CYP39A1: variants seen among roughly 807,000 people sequenced by gnomAD.
CYP39A1 encodes cytochrome P450 family 39 subfamily A member 1.
A neutral mutation model predicts 58.1 loss-of-function variants in CYP39A1; 49 were observed. The observed-to-expected ratio is 0.84, with a 90% CI of 0.67 to 1.07. CYP39A1 has a LOEUF of 1.07. Ranked by LOEUF, CYP39A1 falls within the 50% of genes least tolerant of loss-of-function variation. The pLI is 0.00. For missense variants in CYP39A1, 531 were observed against 539.4 expected (o/e 0.98, Z 0.16); for synonymous variants, 209 against 187.6 (o/e 1.11, Z -0.93).
At chr6:46,638,869 T>G (rs1431399222) in intron 3 of CYP39A1, among the ~76,000 whole-genome samples, 1 of 152,114 alleles carries the variant, frequency 6.6e-6, no homozygotes, top group Non-Finnish European at 1.5e-5. Context: ...TGTGGGAAAT[T>G]TTCTCATGTC....
intron 1 of CYP39A1, among the ~76,000 whole-genome samples, chr6:46,650,643 A>G (rs1253789113): frequency 1.3e-5 from 2 of 151,354 alleles, no homozygotes; most frequent in African/African-American, 4.9e-5. Flanking sequence ...AGCTGGGACT[A>G]CAGGCATGTG....
intron 1 of CYP39A1, among the ~76,000 whole-genome samples, chr6:46,647,025 T>A (rs1324092857): frequency 6.6e-6 from 1 of 151,948 alleles, no homozygotes; most frequent in Non-Finnish European, 1.5e-5. Context: ...TTTTTTTTAA[T>A]TTTCAACTTC....
intron 6 of CYP39A1, among the ~76,000 whole-genome samples, chr6:46,628,938 A>C (rs1457958758): frequency 2.6e-5 from 4 of 152,234 alleles, no homozygotes; most frequent in Non-Finnish European, 2.9e-5. Flanking sequence ...TATTAGCCAC[A>C]ATCTATTTCT....
At chr6:46,630,695 C>T (rs943296814) in intron 6 of CYP39A1, among the ~76,000 whole-genome samples, 7 of 152,178 alleles carry the variant, frequency 4.6e-5, no homozygotes, top group African/African-American at 1.7e-4. Flanking sequence ...ACAACTGGCC[C>T]CAAAGGGCAA....
rs1017749610 is a variant in CYP39A1, at chr6:46,642,278, G to T, written c.198C>A (p.Val66=). The change falls in exon 2 of 12, where the codon GTC becomes GTA. Residue 66 remains valine (V), a synonymous_variant. Coordinates refer to ENST00000275016, the MANE Select transcript of CYP39A1 (RefSeq NM_016593.5). ...ARIKYGPIFT[V]FAMGNRMTFV... ...AGGTCATTCGGTTTCCCATAGCAAA[G>T]ACTGTAAATATTGGTCCATACTGAA... The T allele has an allele frequency of 6.2e-7, 1 of 1,612,468 alleles. No individual in the cohort carries two copies.
rs781672556 is a variant in CYP39A1 at position 46,625,546 on chromosome 6, T to C, written c.841-38A>G. 2.1e-5 allele frequency: 32 copies of C among 1,489,080 alleles called. No individual in the cohort carries two copies. The Admixed American group carries it at 5.3e-4, about 25-fold the overall frequency. 92.2% of individuals were successfully genotyped at this position (1,489,080 alleles called of 1,614,324 possible). A position where few individuals can be genotyped will look rare whatever the true frequency, so the allele number is the denominator to read the frequency against. On this transcript the variant is annotated intron_variant, in intron 6 of 11. Transcript: ENST00000275016. Reference sequence around the variant, plus strand: ...AACATATATCAAAAATATGAACTTCTTTGAAGGTGAACAAAAGCATATTTA... The same window carrying C: ...AACATATATCAAAAATATGAACTTCCTTGAAGGTGAACAAAAGCATATTTA...
chr6:46,573,757 G>A (rs964326700), intron 10 of CYP39A1, among the ~76,000 whole-genome samples: 3 of 152,180 alleles, frequency 2.0e-5, no homozygotes, highest in African/African-American at 2.4e-5. Flanking sequence ...TAATTCTATA[G>A]CAGTGGGTGT....
At chr6:46,556,444 T>C (rs1372673476) in intron 10 of CYP39A1, among the ~76,000 whole-genome samples, 1 of 152,006 alleles carries the variant, frequency 6.6e-6, no homozygotes, top group Non-Finnish European at 1.5e-5. Context: ...GGAGTCTACT[T>C]GAGTATTTGG....
chr6:46,646,580 A>C, intron 1 of CYP39A1, among the ~76,000 whole-genome samples: 1 of 152,248 alleles, frequency 6.6e-6, no homozygotes, highest in South Asian at 2.1e-4. Context: ...GCTTCATAAA[A>C]TAGACTGGGA....
intron 10 of CYP39A1, among the ~76,000 whole-genome samples, chr6:46,575,173 G>A (rs1422201709): frequency 6.6e-6 from 1 of 152,116 alleles, no homozygotes; most frequent in African/African-American, 2.4e-5. Context: ...CATTTGAGCT[G>A]CTAGTGATAA....
At chr6:46,569,518 G>A (rs1297413384) in intron 10 of CYP39A1, among the ~76,000 whole-genome samples, 1 of 151,848 alleles carries the variant, frequency 6.6e-6, no homozygotes, top group Non-Finnish European at 1.5e-5. Flanking sequence ...GTCATATATG[G>A]CCTTTATTAT....
intron 7 of CYP39A1, among the ~76,000 whole-genome samples, chr6:46,605,235 T>C (rs1330986999): frequency 1.3e-5 from 2 of 152,126 alleles, no homozygotes; most frequent in Admixed American, 6.6e-5. Flanking sequence ...TGAATGTCCA[T>C]GGTGAGACAA....
At chr6:46,577,439 G>GAATATAAAC (rs2150499908) in intron 10 of CYP39A1, among the ~76,000 whole-genome samples, 1 of 152,152 alleles carries the variant, frequency 6.6e-6, no homozygotes, top group East Asian at 1.9e-4. Context: ...TATTAACCTT[G>GAATATAAAC]AATATAAACA....
In CYP39A1 at chr6:46,625,481, G is replaced by A; in HGVS notation, c.868C>T (p.Leu290Phe). 1 of 1,610,128 alleles carries A rather than the reference G, an allele frequency of 6.2e-7. No homozygotes were observed. Among genetic ancestry groups the A allele is most frequent in the East Asian group, 2.2e-5 (1 of 44,676 alleles). ...PVAFWTLAYVLSHPDIHKAIM... is the reference protein window; with the variant it reads ...PVAFWTLAYVFSHPDIHKAIM... The stretch of plus-strand genomic sequence containing the variant: ...GCCTTGTGGATATCAGGATGAGAAA[G>A]GACGTATGCAAGTGTCCAAAATGCA... The change falls in exon 7 of 12, where the codon CTT becomes TTT. Residue 290 changes from leucine to phenylalanine, a missense_variant. Leu to Phe is a conservative substitution (Grantham distance 22, BLOSUM62 0). Transcript: ENST00000275016.
rs137947561 is a variant in CYP39A1, at chr6:46,639,643, T to A, written c.339A>T (p.Leu113Phe). 3.0e-5 allele frequency: 48 copies of A among 1,612,626 alleles called. No individual in the cohort carries two copies. The African/African-American group carries it at 5.2e-4, about 18-fold the overall frequency. Reference protein sequence around the residue: ...RTASIPKNVFLALHEKLYIML... With the variant: ...RTASIPKNVFFALHEKLYIML... The stretch of plus-strand genomic sequence containing the variant: ...TAATATAGAGTTTTTCATGCAGTGC[T>A]AAAAAGACATTCTTTGGAATTGATG... Residue 113 changes from leucine to phenylalanine, a missense_variant, in exon 3 of 12, where the codon TTA (leucine) becomes TTT (phenylalanine). Physicochemically the swap from Leu to Phe is conservative, Grantham distance 22. Coordinates refer to ENST00000275016, the MANE Select transcript of CYP39A1 (RefSeq NM_016593.5).
Position 46,556,201 on chromosome 6 carries a change from G to A in CYP39A1, c.1251-2347C>T, listed in dbSNP as rs537953791. ...CCAGTGTAGGACAAAGATCTCCAGAGGAAGTAAAGAATGAGACGAAACCCA... is the reference window on the plus strand; with the variant it reads ...CCAGTGTAGGACAAAGATCTCCAGAAGAAGTAAAGAATGAGACGAAACCCA... On this transcript the variant is annotated intron_variant, in intron 10 of 11. Coordinates refer to ENST00000275016, the MANE Select transcript of CYP39A1 (RefSeq NM_016593.5). Among the ~76,000 whole-genome samples, 4 of 152,256 alleles carry A rather than the reference G, an allele frequency of 2.6e-5. No homozygotes were observed. The South Asian group carries it at 8.3e-4, about 32-fold the overall frequency.
intron 10 of CYP39A1, among the ~76,000 whole-genome samples, chr6:46,585,736 G>C (rs1582338127): frequency 6.6e-6 from 1 of 152,134 alleles, no homozygotes; most frequent in Non-Finnish European, 1.5e-5. Context: ...ATAACAGGAA[G>C]TAGACAAGCT....
At chr6:46,608,731 C>T (rs1271425914) in intron 7 of CYP39A1, among the ~76,000 whole-genome samples, 1 of 152,062 alleles carries the variant, frequency 6.6e-6, no homozygotes, top group East Asian at 1.9e-4. Context: ...TCTACTGCCT[C>T]AGCCTCCCGA....
At chr6:46,649,081 CG>C (rs1305051671) in intron 1 of CYP39A1, among the ~76,000 whole-genome samples, 8 of 152,190 alleles carry the variant, frequency 5.3e-5, no homozygotes, top group African/African-American at 1.7e-4. Flanking sequence ...AACAGAATTT[CG>C]TAACTAAAGA....
Sources: allele counts gnomAD v4.1 joint callset (sites outside exome capture counted in the v4.1 genomes callset), GRCh38; gene constraint gnomAD v4.1.1; transcripts MANE v1.5; gene names NCBI Gene and HGNC (gene_info 2026-07-23, HGNC 2026-07-21).